The following TRPC4 variants were observed in gnomAD, a reference collection of about 807,000 sequenced individuals.
TRPC4 encodes the protein transient receptor potential cation channel subfamily C member 4, also known as short transient receptor potential channel 4.
A neutral mutation model predicts 99.4 loss-of-function variants in TRPC4; 49 were observed. The ratio of observed to expected loss-of-function variants is 0.49; its 90% CI spans 0.39 to 0.63. TRPC4 has a LOEUF of 0.63. Ranked by LOEUF, TRPC4 falls within the 20% of genes least tolerant of loss-of-function variation. TRPC4 has a pLI of 0.00. For missense variants in TRPC4, 898 were observed against 1,152.9 expected (o/e 0.78, Z 3.20); for synonymous variants, 454 against 425.9 (o/e 1.07, Z -0.81).
intron 1 of TRPC4, among the ~76,000 whole-genome samples, chr13:37,797,924 A>G (rs1186336037): frequency 6.6e-6 from 1 of 152,170 alleles, no homozygotes; most frequent in Non-Finnish European, 1.5e-5. Context: ...TTAATGACAT[A>G]AAGCTGCATT....
Position 37,746,474 on chromosome 13 carries a change from G to T in TRPC4, c.379-19C>A, listed in dbSNP as rs1420015119. The T allele has an allele frequency of 6.4e-7, 1 of 1,569,062 alleles. No homozygotes were observed. Among genetic ancestry groups the T allele is most frequent in the East Asian group, 2.2e-5 (1 of 44,488 alleles). ...GAGGCACCTAAAAAAAAAAAAGGCAGAGGTGATGAATATTTATTCTTTTGT... is the reference window on the plus strand; with the variant it reads ...GAGGCACCTAAAAAAAAAAAAGGCATAGGTGATGAATATTTATTCTTTTGT... On this transcript the variant is annotated intron_variant, in intron 2 of 10. Coordinates refer to ENST00000379705, the MANE Select transcript of TRPC4 (RefSeq NM_016179.4).
intron 1 of TRPC4, among the ~76,000 whole-genome samples, chr13:37,797,788 C>A (rs1338476913): frequency 6.6e-6 from 1 of 152,128 alleles, no homozygotes; most frequent in African/African-American, 2.4e-5. Context: ...ACTTAAAAGA[C>A]TAGACTTTTT....
intron 5 of TRPC4, among the ~76,000 whole-genome samples, chr13:37,666,359 A>T (rs1388540932): frequency 6.6e-6 from 1 of 152,146 alleles, no homozygotes; most frequent in Non-Finnish European, 1.5e-5. Context: ...GGGCATGGGG[A>T]ACCAGTGCTA....
chr13:37,835,396 A>G (rs1243555050), intron 1 of TRPC4, among the ~76,000 whole-genome samples: 1 of 152,194 alleles, frequency 6.6e-6, no homozygotes, highest in East Asian at 1.9e-4. Flanking sequence ...GCTAAAGGCA[A>G]CACGCTTTAC....
intron 10 of TRPC4, 55 bp downstream of exon 10, chr13:37,638,985 T>G: frequency 6.4e-7 from 1 of 1,565,834 alleles, no homozygotes; most frequent in Non-Finnish European, 8.8e-7. Context: ...ATGTGCTCTA[T>G]CTGGATCCAT....
chr13:37,644,011 CA>C (rs1211402452), intron 8 of TRPC4, among the ~76,000 whole-genome samples: 2 of 152,056 alleles, frequency 1.3e-5, no homozygotes, highest in Non-Finnish European at 2.9e-5. Context: ...ATCCTATTTC[CA>C]AATAAGGTCA....
intron 1 of TRPC4, among the ~76,000 whole-genome samples, chr13:37,825,057 C>T (rs1358766456): frequency 6.6e-6 from 1 of 151,186 alleles, no homozygotes; most frequent in Admixed American, 6.6e-5. Context: ...AGTTTATTTG[C>T]ATAGAGGTGT....
At chr13:37,835,553 C>T (rs1163124084) in intron 1 of TRPC4, among the ~76,000 whole-genome samples, 4 of 152,108 alleles carry the variant, frequency 2.6e-5, no homozygotes, top group African/African-American at 9.7e-5. Context: ...ACTGAGAACA[C>T]CCAAGATACT....
chr13:37,768,742 T>A (rs1331850669), intron 2 of TRPC4, among the ~76,000 whole-genome samples: 1 of 147,684 alleles, frequency 6.8e-6, no homozygotes, highest in Non-Finnish European at 1.5e-5. Context: ...AGAAAAAAAA[T>A]TAGGGACTGA....
At chr13:37,826,968 G>A (rs1282526238) in intron 1 of TRPC4, among the ~76,000 whole-genome samples, 5 of 151,978 alleles carry the variant, frequency 3.3e-5, no homozygotes, top group African/African-American at 9.7e-5. Context: ...GGCTTTGCTT[G>A]TTTCTTTTTA....
At chr13:37,706,244 A>G (rs1222927866) in intron 3 of TRPC4, among the ~76,000 whole-genome samples, 3 of 152,198 alleles carry the variant, frequency 2.0e-5, no homozygotes, top group Non-Finnish European at 2.9e-5. Flanking sequence ...TCAGGCATTA[A>G]CTGCTCATGT....
At chr13:37,865,627 A>G (rs923578812) in intron 1 of TRPC4, among the ~76,000 whole-genome samples, 11 of 151,664 alleles carry the variant, frequency 7.3e-5, no homozygotes, top group African/African-American at 2.7e-4. Flanking sequence ...TTATATTCCA[A>G]TGTTATAATA....
chr13:37,671,643 C>T (rs1398342477), intron 5 of TRPC4, among the ~76,000 whole-genome samples: 2 of 151,608 alleles, frequency 1.3e-5, no homozygotes, highest in African/African-American at 4.8e-5. Context: ...TACATCAACT[C>T]ATTTACTTCT....
chr13:37,786,201 G>T (rs12583167), intron 1 of TRPC4, among the ~76,000 whole-genome samples: 18,073 of 151,504 alleles, frequency 0.12, 1,317 homozygotes, highest in Admixed American at 0.18. Flanking sequence ...AGTCTAGACA[G>T]ATTTTAAATA....
intron 1 of TRPC4, among the ~76,000 whole-genome samples, chr13:37,791,821 C>T (rs1957127075): frequency 6.6e-6 from 1 of 151,974 alleles, no homozygotes; most frequent in African/African-American, 2.4e-5. Context: ...TGAAAAGGTG[C>T]AGAAAAAATC....
intron 5 of TRPC4, among the ~76,000 whole-genome samples, chr13:37,665,332 C>T (rs1952605258): frequency 2.0e-5 from 3 of 152,054 alleles, no homozygotes; most frequent in Non-Finnish European, 4.4e-5. Context: ...GAGAAATATC[C>T]CCCTATGTTG....
chr13:37,651,225 A>T, intron 8 of TRPC4, 40 bp downstream of exon 8: 1 of 1,608,252 alleles, frequency 6.2e-7, no homozygotes, highest in Non-Finnish European at 8.5e-7. Context: ...TCAAATACAC[A>T]ATTTAAAAAA....
chr13:37,698,882 G>C (rs1176233143), intron 3 of TRPC4, among the ~76,000 whole-genome samples: 1 of 152,040 alleles, frequency 6.6e-6, no homozygotes, highest in Admixed American at 6.6e-5. Context: ...AAAGATCCTG[G>C]ATAAAAAAGG....
chr13:37,755,861 GA>G (rs1956083420), intron 2 of TRPC4, among the ~76,000 whole-genome samples: 2 of 152,008 alleles, frequency 1.3e-5, no homozygotes, highest in South Asian at 4.1e-4. Flanking sequence ...GAAACTTTAT[GA>G]AAAAGGTGTT....
Sources: allele counts gnomAD v4.1 joint callset (sites outside exome capture counted in the v4.1 genomes callset), GRCh38; gene constraint gnomAD v4.1.1; transcripts MANE v1.5; gene names NCBI Gene and HGNC (gene_info 2026-07-23, HGNC 2026-07-21).